Variants in LHCGR observed in about 807,000 individuals in gnomAD.
The protein encoded by LHCGR is luteinizing hormone/choriogonadotropin receptor.
In LHCGR, 55 loss-of-function variants were observed where a neutral mutation model predicts 60.7. The observed-to-expected ratio is 0.91, with a 90% CI of 0.73 to 1.13. The LOEUF is 1.13. Ranked by LOEUF, LHCGR falls within the 50% of genes most tolerant of loss-of-function variation. LHCGR has a pLI of 0.00. For missense variants in LHCGR, 862 were observed against 836.0 expected (o/e 1.03, Z -0.38); for synonymous variants, 337 against 316.5 (o/e 1.06, Z -0.69).
At chr2:48,749,686 G>T (rs1475368650) in intron 1 of LHCGR, among the ~76,000 whole-genome samples, 1 of 148,476 alleles carries the variant, frequency 6.7e-6, no homozygotes, top group African/African-American at 2.5e-5. Context: ...CAGAACTGGA[G>T]CCCTGAATTA....
intron 8 of LHCGR, among the ~76,000 whole-genome samples, chr2:48,702,003 T>A (rs1247469194): frequency 6.6e-6 from 1 of 152,206 alleles, no homozygotes; most frequent in Non-Finnish European, 1.5e-5. Context: ...TTCACCACGG[T>A]GCCTGGTACA....
chr2:48,698,574 G>T, intron 9 of LHCGR, 41 bp downstream of exon 9: 1 of 1,539,944 alleles, frequency 6.5e-7, no homozygotes, highest in Non-Finnish European at 9.0e-7. Context: ...CTGAATTTCT[G>T]CCACAGCTTG....
chr2:48,750,746 A>G (rs1315547438), intron 1 of LHCGR, among the ~76,000 whole-genome samples: 1 of 152,172 alleles, frequency 6.6e-6, no homozygotes, highest in Admixed American at 6.5e-5. Context: ...GTTGAATGAC[A>G]TTTCTTCAGG....
At chr2:48,715,807 A>G (rs1334981982) in intron 6 of LHCGR, among the ~76,000 whole-genome samples, 1 of 152,212 alleles carries the variant, frequency 6.6e-6, no homozygotes, top group Admixed American at 6.5e-5. Flanking sequence ...AATTCAGAAA[A>G]TATAACTAGA....
chr2:48,731,322 A>G, intron 1 of LHCGR, 24 bp from the exon 2 acceptor site: 1 of 1,552,500 alleles, frequency 6.4e-7, no homozygotes, highest in Non-Finnish European at 8.9e-7. Flanking sequence ...AAGGAAATCC[A>G]AGAGTTTAAG....
chr2:48,745,809 C>T (rs1482382071), intron 1 of LHCGR, among the ~76,000 whole-genome samples: 2 of 150,658 alleles, frequency 1.3e-5, no homozygotes, highest in Non-Finnish European at 2.9e-5. Context: ...AACTAACCTG[C>T]ATGTTGTGCA....
chr2:48,690,636 C>G (rs754483442), intron 10 of LHCGR, among the ~76,000 whole-genome samples: 6 of 152,132 alleles, frequency 3.9e-5, no homozygotes, highest in Non-Finnish European at 7.4e-5. Flanking sequence ...GTACTTCTGC[C>G]TAGAATTTTC....
intron 1 of LHCGR, 107 bp downstream of exon 1, chr2:48,755,404 T>C: frequency 1.3e-6 from 1 of 744,674 alleles, no homozygotes; most frequent in South Asian, 1.8e-5. Flanking sequence ...AGCGTTTTTC[T>C]CCAAGCTTCC....
rs748387075 is a variant in LHCGR, at chr2:48,688,010, A to C, written c.1787T>G (p.Val596Gly). 2 of 1,614,198 alleles carry C rather than the reference A, an allele frequency of 1.2e-6. No individual in the cohort carries two copies. Among genetic ancestry groups the C allele is most frequent in the African/African-American group, 2.7e-5 (2 of 75,064 alleles). The change falls in exon 11 of 11, where the codon GTA (valine) becomes GGA (glycine). Residue 596 changes from valine to glycine, a missense_variant. Val to Gly is a moderately radical substitution (Grantham distance 109). Coordinates refer to ENST00000294954, the MANE Select transcript of LHCGR (RefSeq NM_000233.4). This position sits in a 1 kb window ranked among gnomAD's most constrained non-coding sequence, Gnocchi z 5.2. ...SFFAISAAFKVPLITVTNSKV... is the reference protein window; with the variant it reads ...SFFAISAAFKGPLITVTNSKV... ...AGAGTTGGTTACTGTGATAAGAGGT[A>C]CTTTGAAGGCAGCTGAGATGGCAAA...
chr2:48,708,776 T>G, intron 8 of LHCGR, 172 bp downstream of exon 8: 1 of 693,772 alleles, frequency 1.4e-6, no homozygotes, highest in Admixed American at 2.1e-5. Flanking sequence ...CCTCTCGGTT[T>G]GGGGTACTTT....
In LHCGR at chr2:48,755,623, G is replaced by A; in HGVS notation, c.49C>T (p.Leu17=). The A allele has an allele frequency of 1.3e-6, 2 of 1,535,336 alleles. No homozygotes were observed. The highest frequency in any genetic ancestry group is 1.7e-6 in the Non-Finnish European group (2 of 1,145,624). The stretch of plus-strand genomic sequence containing the variant: ...AGCGCTCGTGGCAGCGGCGGCTGCA[G>A]CAGCAGCAGCAGCTTCAGCAGCTGC... ...ALQLLKLLLL[L]QPPLPRALRE... Residue 17 remains leucine (L), a synonymous_variant, in exon 1 of 11, where the codon CTG becomes TTG. Transcript: ENST00000294954.
chr2:48,708,797 C>T, intron 8 of LHCGR, 151 bp downstream of exon 8: 1 of 744,948 alleles, frequency 1.3e-6, no homozygotes, highest in Admixed American at 1.8e-5. Context: ...ATTATGGCAG[C>T]TGTGATACAC....
At chr2:48,700,448 G>C (rs980779828) in intron 8 of LHCGR, among the ~76,000 whole-genome samples, 3 of 152,150 alleles carry the variant, frequency 2.0e-5, no homozygotes, top group Admixed American at 6.5e-5. Flanking sequence ...TCTGGTGCTA[G>C]TGTTTTGGAC....
At chr2:48,724,265 C>G (rs1285412428) in intron 4 of LHCGR, among the ~76,000 whole-genome samples, 1 of 152,198 alleles carries the variant, frequency 6.6e-6, no homozygotes, top group Non-Finnish European at 1.5e-5. Context: ...CAAGGCTCTT[C>G]TTTTCTTCCC....
chr2:48,687,956 A>C lies in LHCGR; in HGVS notation c.1841T>G (p.Ile614Ser), dbSNP rs150671167. 2.5e-6 allele frequency: 4 copies of C among 1,614,186 alleles called. No homozygotes were observed. Among genetic ancestry groups the C allele is most frequent in the Non-Finnish European group, 3.4e-6 (4 of 1,180,014 alleles). Residue 614 changes from isoleucine (I) to serine (S), a missense_variant, in exon 11 of 11, where the codon ATC (isoleucine) becomes AGC (serine). Physicochemically the swap from Ile to Ser is moderately radical, Grantham distance 142. Coordinates refer to ENST00000294954, the MANE Select transcript of LHCGR (RefSeq NM_000233.4). ...SKVLLVLFYP[I>S]NSCANPFLYA... is the part of the protein sequence containing the mutation. ...CAGAAATGGATTGGCACAAGAATTG[A>C]TGGGATAAAAAAGAACCAGTAAAAC...
At chr2:48,721,718 T>G (rs1445013135) in intron 6 of LHCGR, 1 of 471,092 alleles carries the variant, frequency 2.1e-6, no homozygotes, top group East Asian at 6.9e-5. Context: ...TTCCAATCCA[T>G]GTTTTCTCTT....
chr2:48,753,433 T>TA (rs964628578), intron 1 of LHCGR, among the ~76,000 whole-genome samples: 65 of 152,212 alleles, frequency 4.3e-4, no homozygotes, highest in African/African-American at 1.5e-3. Flanking sequence ...AACCATCTGG[T>TA]GCTCAGGAAA....
chr2:48,729,841 A>G (rs1668909174), intron 2 of LHCGR, among the ~76,000 whole-genome samples: 1 of 152,228 alleles, frequency 6.6e-6, no homozygotes, highest in Admixed American at 6.5e-5. Flanking sequence ...GACAAAGAGT[A>G]TATTCTATTC....
intron 1 of LHCGR, among the ~76,000 whole-genome samples, chr2:48,747,310 T>G (rs536111722): frequency 7.4e-4 from 112 of 152,298 alleles, no homozygotes; most frequent in African/African-American, 2.5e-3. Context: ...CAGGCTGGTC[T>G]CAAACTCCTG....
Sources: gnomAD v4.1 joint callset for allele counts (sites outside exome capture counted in the v4.1 genomes callset) on GRCh38, gnomAD v4.1.1 for gene constraint, Gnocchi (gnomAD v3.1) non-coding constraint, MANE v1.5 for transcripts, NCBI Gene and HGNC (gene_info 2026-07-23, HGNC 2026-07-21) for gene names.